GALNTL6: variants seen among roughly 807,000 people sequenced by gnomAD.
The protein encoded by GALNTL6 is polypeptide N-acetylgalactosaminyltransferase like 6, also known as polypeptide N-acetylgalactosaminyltransferase-like 6.
GALNTL6 carries 46 observed loss-of-function variants against 73.7 expected under a neutral mutation model. The ratio of observed to expected loss-of-function variants is 0.62; its 90% CI spans 0.49 to 0.80. GALNTL6 has a LOEUF of 0.80. GALNTL6 is among the 30% of genes least tolerant of loss of function. The pLI, the probability that GALNTL6 is intolerant of heterozygous loss-of-function variation, is 0.00. For missense variants in GALNTL6, 604 were observed against 755.0 expected (o/e 0.80, Z 2.34); for synonymous variants, 259 against 263.7 (o/e 0.98, Z 0.17).
intron 5 of GALNTL6, among the ~76,000 whole-genome samples, chr4:172,437,151 A>G (rs2111393931): frequency 6.6e-6 from 1 of 152,194 alleles, no homozygotes; most frequent in South Asian, 2.1e-4. Context: ...TACGACTTAT[A>G]TTACCTATAC....
intron 2 of GALNTL6, among the ~76,000 whole-genome samples, chr4:171,859,930 C>T (rs772246839): frequency 6.6e-6 from 1 of 152,150 alleles, no homozygotes; most frequent in East Asian, 1.9e-4. Flanking sequence ...CCTGAGGCCT[C>T]GGACATATAG....
chr4:172,253,571 T>C (rs890115275), intron 3 of GALNTL6, among the ~76,000 whole-genome samples: 2 of 151,928 alleles, frequency 1.3e-5, no homozygotes, highest in Non-Finnish European at 2.9e-5. Context: ...CTTTTACACA[T>C]AGCTAATACT....
intron 3 of GALNTL6, among the ~76,000 whole-genome samples, chr4:172,252,038 A>C (rs529059357): frequency 1.1e-4 from 16 of 152,298 alleles, no homozygotes; most frequent in African/African-American, 3.8e-4. Context: ...TGTCAAATCA[A>C]TGCAGAAATT....
chr4:173,014,083 A>C (rs1174209554), intron 11 of GALNTL6, among the ~76,000 whole-genome samples: 1 of 152,182 alleles, frequency 6.6e-6, no homozygotes, highest in African/African-American at 2.4e-5. Flanking sequence ...AAAGGAAAAA[A>C]CAAAATTGTT....
chr4:171,954,924 TG>T (rs1192783522), intron 2 of GALNTL6, among the ~76,000 whole-genome samples: 1 of 152,218 alleles, frequency 6.6e-6, no homozygotes, highest in Non-Finnish European at 1.5e-5. Context: ...CTACTATGGT[TG>T]TAAGTTTACT....
At chr4:172,946,425 T>G (rs1749169494) in intron 9 of GALNTL6, among the ~76,000 whole-genome samples, 2 of 152,142 alleles carry the variant, frequency 1.3e-5, no homozygotes, top group African/African-American at 2.4e-5. Flanking sequence ...GTGGATAGAT[T>G]TATGCAGTTT....
rs181208311 is a variant in GALNTL6, at chr4:172,618,974, G to A, written c.554-190387G>A. Among the ~76,000 whole-genome samples the A allele has an allele frequency of 6.6e-4, 100 of 152,124 alleles. 1 individual carries two copies. The East Asian group carries it at 0.015, about 23-fold the overall frequency. On this transcript the variant is annotated intron_variant, in intron 5 of 12. Coordinates refer to ENST00000506823, the MANE Select transcript of GALNTL6 (RefSeq NM_001034845.3). ...CCTGACCTCATGATCCGCCTGCCTC[G>A]GCCTTCCAAGGTGCTGGGATTACAG...
At chr4:172,112,868 T>C (rs1465056431) in intron 2 of GALNTL6, among the ~76,000 whole-genome samples, 2 of 151,904 alleles carry the variant, frequency 1.3e-5, no homozygotes, top group Non-Finnish European at 1.5e-5. Flanking sequence ...AAAGATACTG[T>C]GCATGAATTG....
chr4:171,983,505 T>C (rs1369035101), intron 2 of GALNTL6, among the ~76,000 whole-genome samples: 1 of 131,196 alleles, frequency 7.6e-6, no homozygotes, highest in Admixed American at 7.7e-5. Flanking sequence ...TATTTATTTA[T>C]TTGAGACGGG....
chr4:172,561,936 A>T (rs6553637), intron 5 of GALNTL6, among the ~76,000 whole-genome samples: 29,371 of 152,090 alleles, frequency 0.19, 3,522 homozygotes, highest in African/African-American at 0.34. Context: ...AATAAGAAGT[A>T]TAGGTGTTAA....
At position 171,870,689 on chromosome 4, in the gene GALNTL6, T is replaced by C. The variant is rs151139629; in HGVS notation, c.138+55971T>C. ...TGTAATTAGTTAGGATGAGGTCCTA[T>C]TGGAGTAAGGTGGGTCACTAATCAA... On this transcript the variant is annotated intron_variant, in intron 2 of 12. Coordinates refer to ENST00000506823, the MANE Select transcript of GALNTL6 (RefSeq NM_001034845.3). 2.5e-3 allele frequency among the ~76,000 whole-genome samples: 383 copies of C among 152,208 alleles called. 2 individuals are homozygous for C. The highest frequency in any genetic ancestry group is 9.1e-3 in the African/African-American group (376 of 41,542).
At chr4:172,073,457 A>T (rs1482043907) in intron 2 of GALNTL6, among the ~76,000 whole-genome samples, 1 of 152,192 alleles carries the variant, frequency 6.6e-6, no homozygotes, top group East Asian at 1.9e-4. Context: ...GAGAAGCAGT[A>T]TTCAGGTTTT....
chr4:172,830,648 C>T (rs1448317962), intron 7 of GALNTL6, among the ~76,000 whole-genome samples: 2 of 152,180 alleles, frequency 1.3e-5, no homozygotes, highest in African/African-American at 4.8e-5. Context: ...GGTCATCAAG[C>T]AGCCACACCG....
chr4:172,299,326 A>G (rs2111117481), intron 3 of GALNTL6, among the ~76,000 whole-genome samples: 1 of 152,246 alleles, frequency 6.6e-6, no homozygotes. Context: ...CAGCTCCTGG[A>G]TTCATTGACT....
At chr4:171,968,325 A>T (rs1221288154) in intron 2 of GALNTL6, among the ~76,000 whole-genome samples, 3 of 152,104 alleles carry the variant, frequency 2.0e-5, no homozygotes, top group Non-Finnish European at 2.9e-5. Flanking sequence ...GGGTCATTTC[A>T]TTTTGGGGGT....
intron 5 of GALNTL6, among the ~76,000 whole-genome samples, chr4:172,399,819 G>C (rs1743975505): frequency 1.3e-5 from 2 of 151,996 alleles, no homozygotes; most frequent in Non-Finnish European, 2.9e-5. Flanking sequence ...TTTAAATGAA[G>C]ACTTATTTTA....
chr4:172,033,497 A>G (rs1472570091), intron 2 of GALNTL6, among the ~76,000 whole-genome samples: 2 of 152,076 alleles, frequency 1.3e-5, no homozygotes, highest in African/African-American at 2.4e-5. Flanking sequence ...CTGCCTTATA[A>G]ATTATGAAGA....
At chr4:171,849,648 A>G (rs1265060562) in intron 2 of GALNTL6, among the ~76,000 whole-genome samples, 3 of 152,196 alleles carry the variant, frequency 2.0e-5, no homozygotes, top group African/African-American at 2.4e-5. Flanking sequence ...GAAATTAAAA[A>G]TAATAATTTA....
At chr4:172,189,891 C>G (rs932364208) in intron 2 of GALNTL6, among the ~76,000 whole-genome samples, 2 of 152,036 alleles carry the variant, frequency 1.3e-5, no homozygotes, top group African/African-American at 4.8e-5. Flanking sequence ...ATAGAAAATC[C>G]AAGCTGCTAT....
Sources: gnomAD v4.1 joint callset for allele counts (sites outside exome capture counted in the v4.1 genomes callset) on GRCh38, gnomAD v4.1.1 for gene constraint, MANE v1.5 for transcripts, NCBI Gene and HGNC (gene_info 2026-07-23, HGNC 2026-07-21) for gene names.